CTNNA2: variants seen among roughly 807,000 people sequenced by gnomAD.
The protein encoded by CTNNA2 is catenin alpha-2.
A neutral mutation model predicts 101.0 loss-of-function variants in CTNNA2; 42 were observed. The ratio of observed to expected loss-of-function variants is 0.42; its 90% CI spans 0.32 to 0.54. The LOEUF (loss-of-function observed/expected upper bound fraction) is 0.54, where lower values mean the gene tolerates loss of function less well. Ranked by LOEUF, CTNNA2 falls within the 20% of genes least tolerant of loss-of-function variation. The pLI, the probability that CTNNA2 is intolerant of heterozygous loss-of-function variation, is 0.14. For missense variants in CTNNA2, 871 were observed against 1,223.1 expected (o/e 0.71, Z 4.29); for synonymous variants, 450 against 456.4 (o/e 0.99, Z 0.18).
chr2:80,078,468 A>G (rs1229278236), intron 7 of CTNNA2, among the ~76,000 whole-genome samples: 1 of 152,190 alleles, frequency 6.6e-6, no homozygotes, highest in Non-Finnish European at 1.5e-5. Context: ...GGAGCAGAAA[A>G]GTGGACATGG....
chr2:80,355,483 T>C (rs936904300), intron 7 of CTNNA2, among the ~76,000 whole-genome samples: 1 of 152,196 alleles, frequency 6.6e-6, no homozygotes, highest in African/African-American at 2.4e-5. Context: ...CTCGACTCCC[T>C]TGGGCCACTG....
intron 7 of CTNNA2, among the ~76,000 whole-genome samples, chr2:80,121,586 G>T (rs1002268315): frequency 1.3e-5 from 2 of 152,126 alleles, no homozygotes; most frequent in Non-Finnish European, 2.9e-5. Flanking sequence ...ATCTCGTATT[G>T]AAGATGAAGG....
chr2:79,620,540 C>T (rs1312033444), intron 1 of CTNNA2, among the ~76,000 whole-genome samples: 1 of 152,196 alleles, frequency 6.6e-6, no homozygotes, highest in Non-Finnish European at 1.5e-5. Context: ...CACATTAGTG[C>T]CTGATGTCTC....
chr2:79,359,785 A>C (rs192779292), intron 3 of CTNNA2, among the ~76,000 whole-genome samples: 1 of 150,130 alleles, frequency 6.7e-6, no homozygotes, highest in African/African-American at 2.4e-5. Flanking sequence ...ACTCAGTCTG[A>C]AGGTTTTTTT....
At chr2:80,369,854 G>A (rs1573866751) in intron 7 of CTNNA2, among the ~76,000 whole-genome samples, 1 of 152,250 alleles carries the variant, frequency 6.6e-6, no homozygotes, top group African/African-American at 2.4e-5. Context: ...CCAGAAGCAG[G>A]AAAAGGCACG....
intron 7 of CTNNA2, among the ~76,000 whole-genome samples, chr2:80,356,298 T>G (rs1673789524): frequency 6.6e-6 from 1 of 152,116 alleles, no homozygotes; most frequent in African/African-American, 2.4e-5. Flanking sequence ...TGTATTTGCT[T>G]TGAACATAAA....
chr2:79,560,774 C>T lies in CTNNA2; in HGVS notation c.-6+47567C>T, dbSNP rs564472987. On this transcript the variant is annotated intron_variant, in intron 1 of 18. Coordinates refer to ENST00000402739, the MANE Select transcript of CTNNA2 (RefSeq NM_001282597.3). The stretch of plus-strand genomic sequence containing the variant: ...CTGAGTTGTGAATATATCCTGGAAA[C>T]GCCTTAGATCGAAGAAAATGTTCAC... 4.6e-5 allele frequency among the ~76,000 whole-genome samples: 7 copies of T among 151,926 alleles called. No homozygotes were observed. The South Asian group carries it at 8.3e-4, about 18-fold the overall frequency.
intron 2 of CTNNA2, among the ~76,000 whole-genome samples, chr2:79,202,634 A>G (rs971793874): frequency 6.6e-6 from 1 of 152,176 alleles, no homozygotes; most frequent in Non-Finnish European, 1.5e-5. Flanking sequence ...CTTTAATCCT[A>G]TGAGAGAATA....
At chr2:80,237,606 T>C (rs927298614) in intron 7 of CTNNA2, among the ~76,000 whole-genome samples, 2 of 152,246 alleles carry the variant, frequency 1.3e-5, no homozygotes, top group East Asian at 3.9e-4. Context: ...TGGAAGGGGC[T>C]AGTGAGACTG....
chr2:80,420,702 G>T (rs1680449106), intron 9 of CTNNA2, among the ~76,000 whole-genome samples: 1 of 152,064 alleles, frequency 6.6e-6, no homozygotes, highest in Non-Finnish European at 1.5e-5. Flanking sequence ...CTTAGTTTGC[G>T]CCTTGGTTAA....
chr2:80,438,996 G>C (rs556435221), intron 9 of CTNNA2, among the ~76,000 whole-genome samples: 2 of 152,174 alleles, frequency 1.3e-5, no homozygotes, highest in Non-Finnish European at 2.9e-5. Context: ...CTGCTGCTGA[G>C]GGAATAGCTA....
chr2:79,850,628 C>T (rs996724418), intron 3 of CTNNA2, among the ~76,000 whole-genome samples: 23 of 152,030 alleles, frequency 1.5e-4, no homozygotes, highest in African/African-American at 5.3e-4. Flanking sequence ...GAGGATAGAC[C>T]GCAGAGCCAG....
chr2:79,644,910 A>G (rs1680701310), intron 1 of CTNNA2, among the ~76,000 whole-genome samples: 1 of 152,098 alleles, frequency 6.6e-6, no homozygotes, highest in Non-Finnish European at 1.5e-5. Flanking sequence ...TTCTTCTCTA[A>G]AAGCCGTACG....
At chr2:80,563,917 T>G (rs755183542) in intron 12 of CTNNA2, among the ~76,000 whole-genome samples, 2 of 152,224 alleles carry the variant, frequency 1.3e-5, no homozygotes, top group African/African-American at 2.4e-5. Flanking sequence ...CTTCTGTCCA[T>G]CTTAGTACCT....
chr2:79,595,492 G>A (rs6750164), intron 1 of CTNNA2, among the ~76,000 whole-genome samples: 94,645 of 151,834 alleles, frequency 0.62, 30,118 homozygotes, highest in South Asian at 0.7. Flanking sequence ...CCCAATTGTC[G>A]TATTGCTTCT....
intron 2 of CTNNA2, among the ~76,000 whole-genome samples, chr2:79,208,302 T>C (rs1302160350): frequency 1.3e-5 from 2 of 152,182 alleles, no homozygotes; most frequent in Non-Finnish European, 2.9e-5. Flanking sequence ...TTTAGATTTT[T>C]GAAACATATG....
At chr2:80,256,358 T>C (rs1055067699) in intron 7 of CTNNA2, among the ~76,000 whole-genome samples, 1 of 152,160 alleles carries the variant, frequency 6.6e-6, no homozygotes, top group Non-Finnish European at 1.5e-5. Flanking sequence ...GGTGTGTTAG[T>C]AGCTCCTCTG....
At chr2:80,067,764 C>G (rs2148771283) in intron 7 of CTNNA2, among the ~76,000 whole-genome samples, 1 of 152,274 alleles carries the variant, frequency 6.6e-6, no homozygotes, top group African/African-American at 2.4e-5. Context: ...ACTCTGGGGA[C>G]AGCCAGATGC....
At chr2:79,698,910 TA>T in intron 2 of CTNNA2, among the ~76,000 whole-genome samples, 1 of 152,220 alleles carries the variant, frequency 6.6e-6, no homozygotes, top group Middle Eastern at 3.4e-3. Flanking sequence ...GGCAGTCTTC[TA>T]CTAGCCTGTC....
Sources: gnomAD v4.1 joint callset for allele counts (sites outside exome capture counted in the v4.1 genomes callset) on GRCh38, gnomAD v4.1.1 for gene constraint, MANE v1.5 for transcripts, NCBI Gene and HGNC (gene_info 2026-07-23, HGNC 2026-07-21) for gene names.